Variants in CMIP observed in about 807,000 individuals in gnomAD.
The protein encoded by CMIP is c-Maf inducing protein.
Under a neutral mutation model 97.3 loss-of-function variants are expected in CMIP, and 13 were observed. That is an observed-to-expected ratio of 0.13 (90% CI 0.09 to 0.21). CMIP has a LOEUF of 0.21. Ranked by LOEUF, CMIP falls within the 10% of genes least tolerant of loss-of-function variation. CMIP has a pLI of 1.00. For missense variants in CMIP, 847 were observed against 1,024.9 expected, an observed-to-expected ratio of 0.83 and a Z score of 2.37; for synonymous variants, 538 against 436.3, an observed-to-expected ratio of 1.23 and a Z score of -2.91.
At chr16:81,647,119 C>T (rs976114341) in intron 3 of CMIP, among the ~76,000 whole-genome samples, 4 of 152,212 alleles carry the variant, frequency 2.6e-5, no homozygotes, top group African/African-American at 4.8e-5. Flanking sequence ...CAACACTTGG[C>T]GTTGTCTGTC....
chr16:81,709,371 A>C (rs1231485260), intron 20 of CMIP, among the ~76,000 whole-genome samples: 6 of 152,192 alleles, frequency 3.9e-5, no homozygotes, highest in Admixed American at 3.9e-4. Context: ...CAGGGACTAG[A>C]GTCAGATGGG....
chr16:81,538,959 A>G (rs746737050), intron 1 of CMIP, among the ~76,000 whole-genome samples: 1 of 152,178 alleles, frequency 6.6e-6, no homozygotes, highest in Non-Finnish European at 1.5e-5. Context: ...AGGTTGATAT[A>G]ATCAGGCTAT....
chr16:81,447,773 G>T (rs1043952964), intron 1 of CMIP, among the ~76,000 whole-genome samples: 3 of 152,202 alleles, frequency 2.0e-5, no homozygotes, highest in East Asian at 1.9e-4. Context: ...CCCTCTGGTG[G>T]GCTCCAGGGG....
intron 17 of CMIP, 34 bp downstream of exon 17, chr16:81,702,703 GAGA>G (rs1907556353): frequency 6.2e-7 from 1 of 1,600,964 alleles, no homozygotes; most frequent in East Asian, 2.2e-5. Context: ...GGGCTGGATG[GAGA>G]AGGTGGGTTG....
At chr16:81,589,170 C>T (rs576749981) in intron 1 of CMIP, among the ~76,000 whole-genome samples, 3 of 151,936 alleles carry the variant, frequency 2.0e-5, no homozygotes, top group South Asian at 2.1e-4. Flanking sequence ...GATCTCGGCT[C>T]ACTGCAACCA....
At chr16:81,591,518 C>T (rs1235604885) in intron 1 of CMIP, among the ~76,000 whole-genome samples, 1 of 152,180 alleles carries the variant, frequency 6.6e-6, no homozygotes, top group Non-Finnish European at 1.5e-5. Context: ...TGCAGGTGCA[C>T]ACAGCCACAT....
intron 1 of CMIP, among the ~76,000 whole-genome samples, chr16:81,590,820 C>G (rs2091454937): frequency 6.9e-6 from 1 of 144,254 alleles, no homozygotes. Context: ...TTCTCACTTT[C>G]TCTCATCCAT....
At chr16:81,709,725 G>T (rs1450631094) in intron 20 of CMIP, 21 bp from the exon 21 acceptor site, 1 of 1,613,608 alleles carries the variant, frequency 6.2e-7, no homozygotes, top group South Asian at 1.1e-5. Context: ...ACGTGACAAG[G>T]ACTCTTATTG....
intron 1 of CMIP, among the ~76,000 whole-genome samples, chr16:81,542,410 C>T (rs1382920307): frequency 6.6e-6 from 1 of 152,154 alleles, no homozygotes; most frequent in Non-Finnish European, 1.5e-5. Flanking sequence ...AGATTTGTAG[C>T]ATGGCGTAGG....
chr16:81,513,472 C>A (rs933129347), intron 1 of CMIP, among the ~76,000 whole-genome samples: 1 of 152,240 alleles, frequency 6.6e-6, no homozygotes, highest in Non-Finnish European at 1.5e-5. Flanking sequence ...CTCCTTTCCA[C>A]CCCGGGATTC....
intron 1 of CMIP, chr16:81,533,777 C>T (rs529547080): frequency 1.3e-4 from 20 of 152,400 alleles, no homozygotes; most frequent in African/African-American, 4.8e-4. Context: ...CCGCGCCTGG[C>T]CTATGTGCTT....
chr16:81,527,468 T>C (rs1287812980), intron 1 of CMIP, among the ~76,000 whole-genome samples: 1 of 152,204 alleles, frequency 6.6e-6, no homozygotes, highest in African/African-American at 2.4e-5. Flanking sequence ...TATTGAAGTA[T>C]TACTTACTTT....
At chr16:81,658,546 G>A (rs143205674) in intron 5 of CMIP, among the ~76,000 whole-genome samples, 1 of 152,348 alleles carries the variant, frequency 6.6e-6, no homozygotes, top group East Asian at 1.9e-4. Flanking sequence ...CCTAGAGGTA[G>A]TGCTATCTGA....
Position 81,476,195 on chromosome 16 carries a change from C to T in CMIP, c.300+30654C>T, listed in dbSNP as rs767239650. ...GCAGTGCGTGTGGAAAACTGGGAAC[C>T]GTTTGTGTTGGGTCCAGCATTTGCC... On this transcript the variant is annotated intron_variant, in intron 1 of 20. Coordinates refer to ENST00000537098, the MANE Select transcript of CMIP (RefSeq NM_198390.3). 537 of 1,299,728 alleles carry T rather than the reference C, an allele frequency of 4.1e-4. 4 individuals are homozygous for T. The highest frequency in any genetic ancestry group is 1.5e-3 in the Middle Eastern group (8 of 5,348). The allele number at this position is 1,299,728 out of a possible 1,614,324, so 80.5% of individuals were successfully genotyped here.
intron 1 of CMIP, among the ~76,000 whole-genome samples, chr16:81,470,002 G>C (rs1907426991): frequency 6.6e-6 from 1 of 152,166 alleles, no homozygotes; most frequent in Non-Finnish European, 1.5e-5. Flanking sequence ...CATTTCCTCT[G>C]GCCCTCACTG....
rs552040221 is a variant in CMIP at position 81,589,346 on chromosome 16, C to T, written c.301-18221C>T. On this transcript the variant is annotated intron_variant, in intron 1 of 20. Coordinates refer to ENST00000537098, the MANE Select transcript of CMIP (RefSeq NM_198390.3). ...TCCTGGGGTCAAGTGATCCATCCTT[C>T]TTTGCCTCCCAAAATGATGGGATTA... Among the ~76,000 whole-genome samples the T allele has an allele frequency of 1.5e-3, 227 of 152,328 alleles. 1 individual carries two copies. The highest frequency in any genetic ancestry group is 5.4e-3 in the African/African-American group (223 of 41,580).
chr16:81,534,430 C>T (rs149358348), intron 1 of CMIP, among the ~76,000 whole-genome samples: 106 of 152,200 alleles, frequency 7.0e-4, no homozygotes, highest in African/African-American at 1.9e-3. Context: ...GAAAACTGTT[C>T]ATCCTTTTTC....
chr16:81,701,118 C>CA (rs552497595), intron 15 of CMIP, among the ~76,000 whole-genome samples: 55,245 of 141,082 alleles, frequency 0.39, 10,674 homozygotes, highest in Non-Finnish European at 0.43. Context: ...GACCTCATCT[C>CA]AAAAAAAAAA....
At chr16:81,476,387 C>G in intron 1 of CMIP, 1 of 1,176,980 alleles carries the variant, frequency 8.5e-7, no homozygotes, top group East Asian at 2.4e-5. Context: ...TAACCAACTC[C>G]TTTCTCTCCA....
Sources: gnomAD v4.1 joint callset for allele counts (sites outside exome capture counted in the v4.1 genomes callset) on GRCh38, gnomAD v4.1.1 for gene constraint, MANE v1.5 for transcripts, NCBI Gene and HGNC (gene_info 2026-07-23, HGNC 2026-07-21) for gene names.